INTS4: variants seen among roughly 807,000 people sequenced by gnomAD.
INTS4 encodes integrator complex subunit 4.
INTS4 carries 70 observed loss-of-function variants against 119.5 expected under a neutral mutation model. The ratio of observed to expected loss-of-function variants is 0.59; its 90% confidence interval spans 0.48 to 0.71. INTS4 has a LOEUF of 0.71. INTS4 is among the 30% of genes least tolerant of loss of function. The pLI, the probability that INTS4 is intolerant of heterozygous loss-of-function variation, is 0.00. For missense variants in INTS4, 867 were observed against 1,173.2 expected (o/e 0.74, Z 3.81); for synonymous variants, 316 against 419.6 (o/e 0.75, Z 3.02).
At chr11:77,905,148 G>A (rs1952906913) in intron 16 of INTS4, among the ~76,000 whole-genome samples, 7 of 152,074 alleles carry the variant, frequency 4.6e-5, no homozygotes. Flanking sequence ...CAGTGGCCAG[G>A]AGAGAACAAA....
At chr11:77,979,202 G>A (rs1157894021) in intron 3 of INTS4, 100 bp from the exon 4 acceptor site, 7 of 650,340 alleles carry the variant, frequency 1.1e-5, no homozygotes, top group Non-Finnish European at 2.0e-5. Flanking sequence ...TAGGCGCAGT[G>A]ACTCACAACT....
Position 77,941,250 on chromosome 11 carries a change from C to G in INTS4, c.920G>C (p.Gly307Ala). 3 of 1,599,532 alleles carry G rather than the reference C, an allele frequency of 1.9e-6. No homozygotes were observed. Among genetic ancestry groups the G allele is most frequent in the Non-Finnish European group, 2.6e-6 (3 of 1,176,410 alleles). ...ATGAGAACTGACTTGCTCCATAGAG[C>G]CCTATAAAAAGAAAAATCCAGAGCA... Reference protein sequence around the residue: ...VVRVQAAKLLGSMEQVSSHFL... With the variant: ...VVRVQAAKLLASMEQVSSHFL... Residue 307 changes from glycine (G) to alanine (A), a missense_variant and splice_region_variant, in exon 9 of 23, where the codon GGC becomes GCC. Gly to Ala is a moderately conservative substitution (Grantham distance 60). Transcript: ENST00000534064.
At chr11:77,972,831 G>T (rs57723618) in intron 4 of INTS4, among the ~76,000 whole-genome samples, 7 of 141,606 alleles carry the variant, frequency 4.9e-5, no homozygotes, top group South Asian at 2.3e-4. Context: ...TCTTTTGTGG[G>T]TTTTTTTTTT....
intron 9 of INTS4, among the ~76,000 whole-genome samples, chr11:77,940,004 A>G (rs1459230656): frequency 2.0e-5 from 3 of 152,184 alleles, no homozygotes; most frequent in East Asian, 3.8e-4. Flanking sequence ...CTACAACTCT[A>G]TAATACCACT....
chr11:77,979,789 C>T (rs1474937827), intron 3 of INTS4, among the ~76,000 whole-genome samples: 2 of 151,358 alleles, frequency 1.3e-5, no homozygotes, highest in African/African-American at 4.9e-5. Context: ...ACCAGCCTGA[C>T]CAACATGGTG....
intron 4 of INTS4, among the ~76,000 whole-genome samples, chr11:77,966,959 C>T (rs1855528619): frequency 6.6e-6 from 1 of 152,148 alleles, no homozygotes; most frequent in African/African-American, 2.4e-5. Context: ...CTATTTTGCA[C>T]TACTACTACC....
At chr11:77,948,497 A>T (rs1265178099) in intron 8 of INTS4, among the ~76,000 whole-genome samples, 1 of 152,014 alleles carries the variant, frequency 6.6e-6, no homozygotes, top group Non-Finnish European at 1.5e-5. Context: ...AATGCAAAAA[A>T]ATTAGTTGGG....
Position 77,961,069 on chromosome 11 carries a change from C to T in INTS4, c.541G>A (p.Glu181Lys). ...LQLLGNLGSL[E>K]KSVTKDAEGL... ...TCTGCATCTTTTGTGACACTTTTCT[C>T]CAAAGAGCCAAGATTGCCAAGTAAC... Residue 181 changes from glutamate to lysine, a missense_variant, in exon 5 of 23, where the codon GAG (glutamate) becomes AAG (lysine). Around this residue, in one of 5 missense-constraint regions of INTS4, gnomAD observed 224 missense variants for 231.8 expected, o/e 0.97. Transcript: ENST00000534064. The T allele has an allele frequency of 1.2e-6, 2 of 1,610,762 alleles. No individual in the cohort carries two copies. Among genetic ancestry groups the T allele is most frequent in the Non-Finnish European group, 1.7e-6 (2 of 1,179,414 alleles).
At chr11:77,987,254 T>TA (rs1163741947) in intron 2 of INTS4, 155 of 152,526 alleles carry the variant, frequency 1.0e-3, no homozygotes, top group South Asian at 6.0e-3. Flanking sequence ...AAAGGTTTTT[T>TA]AAAAAAAAAA....
Position 77,878,823 on chromosome 11 carries a change from T to C in INTS4, c.*126A>G. 1 of 783,772 alleles carries C rather than the reference T, an allele frequency of 1.3e-6. No homozygotes were observed. The highest frequency in any genetic ancestry group is 2.3e-6 in the Non-Finnish European group (1 of 437,362). The allele number at this position is 783,772 out of a possible 1,614,324, so 48.6% of individuals were successfully genotyped here. A position where few individuals can be genotyped will look rare whatever the true frequency, so the allele number is the denominator to read the frequency against. ...AATTTATCCTGTGTTTGATACCAGATGAGACTGTAAGGGTCACATACTCCT... is the reference window on the plus strand; with the variant it reads ...AATTTATCCTGTGTTTGATACCAGACGAGACTGTAAGGGTCACATACTCCT... On this transcript the variant is annotated 3_prime_UTR_variant, in exon 23 of 23. Transcript: ENST00000534064.
intron 11 of INTS4, among the ~76,000 whole-genome samples, chr11:77,926,106 T>A (rs1953491140): frequency 6.6e-6 from 1 of 152,206 alleles, no homozygotes; most frequent in African/African-American, 2.4e-5. Flanking sequence ...TGTTTTGATA[T>A]CCCTATATTT....
At chr11:77,944,906 G>A (rs1954010988) in intron 8 of INTS4, among the ~76,000 whole-genome samples, 2 of 152,084 alleles carry the variant, frequency 1.3e-5, no homozygotes, top group Admixed American at 6.6e-5. Flanking sequence ...TTTTGGATAG[G>A]GGATACTCAA....
intron 15 of INTS4, among the ~76,000 whole-genome samples, chr11:77,914,588 T>G (rs1304902634): frequency 1.3e-5 from 2 of 152,072 alleles, no homozygotes; most frequent in East Asian, 3.8e-4. Context: ...GGTCAGCAAA[T>G]TTTTTCTGTA....
At chr11:77,948,654 C>CAAAAAAAAA (rs138277574) in intron 8 of INTS4, among the ~76,000 whole-genome samples, 1 of 91,346 alleles carries the variant, frequency 1.1e-5, no homozygotes, top group Admixed American at 1.2e-4. Context: ...CTCAAAGAAA[C>CAAAAAAAAA]AAAAAAAAAA....
intron 4 of INTS4, among the ~76,000 whole-genome samples, chr11:77,974,792 G>T (rs1225535595): frequency 6.6e-6 from 1 of 151,770 alleles, no homozygotes; most frequent in Non-Finnish European, 1.5e-5. Context: ...GTAGATATGG[G>T]GTCTTCCTAT....
intron 10 of INTS4, among the ~76,000 whole-genome samples, chr11:77,930,890 T>A (rs1953631977): frequency 6.6e-6 from 1 of 152,124 alleles, no homozygotes; most frequent in South Asian, 2.1e-4. Context: ...AGAAAAGGAA[T>A]CTACTATACT....
At chr11:77,991,027 T>C (rs770510529) in intron 2 of INTS4, 81 bp downstream of exon 2, 76 of 1,226,864 alleles carry the variant, frequency 6.2e-5, no homozygotes, top group Middle Eastern at 2.0e-4. Context: ...GAATACCCTA[T>C]TTATTTGTAA....
intron 4 of INTS4, among the ~76,000 whole-genome samples, chr11:77,971,712 C>T (rs1855743486): frequency 6.6e-6 from 1 of 152,158 alleles, no homozygotes; most frequent in South Asian, 2.1e-4. Context: ...TTTTCCCATA[C>T]TGTGGGTTGT....
chr11:77,879,252 C>T, intron 22 of INTS4, 125 bp from the exon 23 acceptor site: 1 of 953,884 alleles, frequency 1.0e-6, no homozygotes, highest in South Asian at 1.6e-5. Flanking sequence ...GTCTACATTC[C>T]CTCCCCTTAC....
Sources: allele counts gnomAD v4.1 joint callset (sites outside exome capture counted in the v4.1 genomes callset), GRCh38; gene constraint gnomAD v4.1.1; regional missense constraint gnomAD v4.1.1; transcripts MANE v1.5; gene names NCBI Gene and HGNC (gene_info 2026-07-23, HGNC 2026-07-21).